The following CACNA1E variants were observed in gnomAD, a reference collection of about 807,000 sequenced individuals.
CACNA1E encodes voltage-dependent R-type calcium channel subunit alpha-1E.
CACNA1E carries 40 observed loss-of-function variants against 259.2 expected under a neutral mutation model. The ratio of observed to expected loss-of-function variants is 0.15; its 90% CI spans 0.12 to 0.20. The LOEUF (loss-of-function observed/expected upper bound fraction) is 0.20, where lower values mean the gene tolerates loss of function less well. Ranked by LOEUF, CACNA1E falls within the 10% of genes least tolerant of loss-of-function variation. The pLI, the probability that CACNA1E is intolerant of heterozygous loss-of-function variation, is 1.00. For missense variants in CACNA1E, 1,874 were observed against 3,040.1 expected (o/e 0.62, Z 9.02); for synonymous variants, 1,104 against 1,138.5 (o/e 0.97, Z 0.61).
At chr1:181,720,965 C>G in intron 15 of CACNA1E, 110 bp downstream of exon 15, 1 of 729,696 alleles carries the variant, frequency 1.4e-6, no homozygotes, top group Middle Eastern at 2.3e-4. Context: ...CCAGGCTCCT[C>G]CCAGGGGATT....
chr1:181,511,294 G>T, intron 2 of CACNA1E, 77 bp from the exon 3 acceptor site: 1 of 1,544,848 alleles, frequency 6.5e-7, no homozygotes, highest in Non-Finnish European at 8.9e-7. Flanking sequence ...TCCAGGAAGG[G>T]CCAGGCTGTG....
intron 7 of CACNA1E, among the ~76,000 whole-genome samples, chr1:181,690,048 C>T (rs1438546773): frequency 6.6e-6 from 1 of 152,156 alleles, no homozygotes; most frequent in Admixed American, 6.5e-5. Context: ...GAAGTCTTTG[C>T]TCATGCCTGT....
At chr1:181,681,808 AG>A (rs956337738) in intron 7 of CACNA1E, among the ~76,000 whole-genome samples, 10 of 152,170 alleles carry the variant, frequency 6.6e-5, no homozygotes, top group African/African-American at 2.2e-4. Context: ...CCTACCTCAC[AG>A]GGTTGCCTTT....
Position 181,483,863 on chromosome 1 carries a change from A to G in CACNA1E, c.119A>G (p.Lys40Arg). 6.2e-7 allele frequency: 1 copy of G among 1,613,746 alleles called. No individual in the cohort carries two copies. The highest frequency in any genetic ancestry group is 8.5e-7 in the Non-Finnish European group (1 of 1,179,834). ...VPASGQAAAY[K>R]QTKAQRARTM... is the part of the protein sequence containing the mutation. ...GCCTCGGGGCAGGCGGCCGCCTACA[A>G]GCAGACGAAAGCACAGAGGGCGCGG... is the stretch of plus-strand genomic sequence containing the variant. Residue 40 changes from lysine (K) to arginine (R), a missense_variant, in exon 1 of 48, where the codon AAG becomes AGG. Physicochemically the swap from Lys to Arg is conservative, Grantham distance 26. Around this residue, in one of 14 missense-constraint regions of CACNA1E, gnomAD observed 110 missense variants for 122.8 expected, o/e 0.90. Coordinates refer to ENST00000367573, the MANE Select transcript of CACNA1E (RefSeq NM_001205293.3).
At chr1:181,784,593 T>C in intron 40 of CACNA1E, 68 bp from the exon 41 acceptor site, 1 of 1,080,108 alleles carries the variant, frequency 9.3e-7, no homozygotes, top group Non-Finnish European at 1.4e-6. Flanking sequence ...GCTCCTACCT[T>C]CACCTCCTCC....
chr1:181,437,969 A>G (rs1660199990), intron 2 of CACNA1E, among the ~76,000 whole-genome samples: 1 of 152,222 alleles, frequency 6.6e-6, no homozygotes, highest in African/African-American at 2.4e-5. Flanking sequence ...TCTTCAACTG[A>G]ACAGGTCCAA....
intron 37 of CACNA1E, among the ~76,000 whole-genome samples, chr1:181,775,349 C>T (rs980839465): frequency 6.6e-6 from 1 of 152,202 alleles, no homozygotes; most frequent in African/African-American, 2.4e-5. Context: ...TGTTGAACAT[C>T]AAGTCCTGTC....
intron 17 of CACNA1E, among the ~76,000 whole-genome samples, chr1:181,725,634 C>A (rs1279538048): frequency 6.6e-6 from 1 of 152,240 alleles, no homozygotes; most frequent in Non-Finnish European, 1.5e-5. Flanking sequence ...CAATGGGGCA[C>A]TCAGCCTCAG....
chr1:181,714,032 G>A (rs907383261), intron 8 of CACNA1E, among the ~76,000 whole-genome samples: 6 of 152,144 alleles, frequency 3.9e-5, no homozygotes, highest in Non-Finnish European at 7.3e-5. Context: ...CCAACTAGGT[G>A]TTCAACAATC....
intron 18 of CACNA1E, among the ~76,000 whole-genome samples, chr1:181,726,998 C>T (rs758492408): frequency 3.3e-5 from 5 of 152,092 alleles, no homozygotes; most frequent in African/African-American, 7.2e-5. Flanking sequence ...GACTAAGCAA[C>T]GGGTTGGGGA....
At chr1:181,787,996 C>T (rs1660988887) in intron 43 of CACNA1E, among the ~76,000 whole-genome samples, 1 of 152,152 alleles carries the variant, frequency 6.6e-6, no homozygotes, top group African/African-American at 2.4e-5. Flanking sequence ...ATCATGTGAT[C>T]AGATGTGTGC....
chr1:181,716,012 T>C, intron 9 of CACNA1E, 28 bp from the exon 10 acceptor site: 1 of 1,512,336 alleles, frequency 6.6e-7, no homozygotes, highest in Non-Finnish European at 9.0e-7. Flanking sequence ...TTGTGGCCTC[T>C]CACTGGTCTT....
At chr1:181,797,438 C>G (rs1392594944) in intron 47 of CACNA1E, among the ~76,000 whole-genome samples, 1 of 152,114 alleles carries the variant, frequency 6.6e-6, no homozygotes, top group Admixed American at 6.5e-5. Flanking sequence ...AATAGGAGAC[C>G]CCCTCAACAG....
chr1:181,475,181 C>T (rs1204957838), intron 2 of CACNA1E, among the ~76,000 whole-genome samples: 1 of 152,134 alleles, frequency 6.6e-6, no homozygotes, highest in Non-Finnish European at 1.5e-5. Flanking sequence ...ATTTATTTTG[C>T]AAAGGCTTGC....
chr1:181,515,704 T>G (rs1308710029), intron 3 of CACNA1E, among the ~76,000 whole-genome samples: 1 of 152,152 alleles, frequency 6.6e-6, no homozygotes, highest in Non-Finnish European at 1.5e-5. Flanking sequence ...ATATAGTACC[T>G]GGAGCAGATG....
chr1:181,554,336 A>T (rs1448253820), intron 3 of CACNA1E, among the ~76,000 whole-genome samples: 1 of 152,128 alleles, frequency 6.6e-6, no homozygotes, highest in Non-Finnish European at 1.5e-5. Context: ...TTATTCAGTA[A>T]TCCATATAAT....
intron 7 of CACNA1E, among the ~76,000 whole-genome samples, chr1:181,665,209 G>C (rs187062859): frequency 1.1e-4 from 17 of 151,936 alleles, no homozygotes; most frequent in African/African-American, 3.1e-4. Context: ...GTACATATCT[G>C]TGTATATATA....
intron 6 of CACNA1E, among the ~76,000 whole-genome samples, chr1:181,594,297 A>G (rs1030844704): frequency 1.3e-5 from 2 of 152,188 alleles, no homozygotes; most frequent in African/African-American, 4.8e-5. Flanking sequence ...AGAAACTGGT[A>G]GTCATTTATG....
At chr1:181,497,271 G>A (rs1168127857) in intron 1 of CACNA1E, among the ~76,000 whole-genome samples, 1 of 152,178 alleles carries the variant, frequency 6.6e-6, no homozygotes, top group East Asian at 1.9e-4. Context: ...TCAGTAGACA[G>A]GCTCAGGAGA....
Sources: allele counts gnomAD v4.1 joint callset (sites outside exome capture counted in the v4.1 genomes callset), GRCh38; gene constraint gnomAD v4.1.1; regional missense constraint gnomAD v4.1.1; transcripts MANE v1.5; gene names NCBI Gene and HGNC (gene_info 2026-07-23, HGNC 2026-07-21).